DOCK8: variants seen among roughly 807,000 people sequenced by gnomAD.
The protein encoded by DOCK8 is dedicator of cytokinesis protein 8.
In DOCK8, 141 loss-of-function variants were observed where a neutral mutation model predicts 245.6. The ratio of observed to expected loss-of-function variants is 0.57; its 90% confidence interval spans 0.50 to 0.66. The LOEUF (loss-of-function observed/expected upper bound fraction) is 0.66, where lower values mean the gene tolerates loss of function less well. DOCK8 is among the 30% of genes least tolerant of loss of function. The probability of loss-of-function intolerance (pLI) is 0.00; values close to 1 mark genes in which losing one functional copy is unlikely to be tolerated. For synonymous variants in DOCK8, 1,168 were observed against 970.2 expected (o/e 1.20, Z -3.79); for missense variants, 2,965 against 2,603.4 (o/e 1.14, Z -3.02).
At chr9:350,887 C>G (rs1419052927) in intron 14 of DOCK8, among the ~76,000 whole-genome samples, 2 of 152,150 alleles carry the variant, frequency 1.3e-5, no homozygotes, top group Non-Finnish European at 2.9e-5. Context: ...CTGTGGACCC[C>G]CGTCCTGTTT....
intron 37 of DOCK8, among the ~76,000 whole-genome samples, chr9:432,841 T>A (rs1460043593): frequency 6.6e-6 from 1 of 152,102 alleles, no homozygotes; most frequent in Non-Finnish European, 1.5e-5. Context: ...GGGCCGAGTT[T>A]GAGAGAGCTT....
chr9:408,300 G>C (rs1231769922), intron 28 of DOCK8, among the ~76,000 whole-genome samples: 1 of 152,160 alleles, frequency 6.6e-6, no homozygotes, highest in Non-Finnish European at 1.5e-5. Context: ...ATGTACCCAG[G>C]CTGACACCGC....
chr9:449,050 T>C (rs2057350601), intron 44 of DOCK8, among the ~76,000 whole-genome samples: 1 of 152,176 alleles, frequency 6.6e-6, no homozygotes, highest in Admixed American at 6.5e-5. Context: ...CTTTCTGCAT[T>C]GTAAGTTGAG....
chr9:308,385 T>A (rs2049941977), intron 5 of DOCK8, among the ~76,000 whole-genome samples: 1 of 152,232 alleles, frequency 6.6e-6, no homozygotes, highest in African/African-American at 2.4e-5. Flanking sequence ...AGTTGTTTGT[T>A]TTGAAATATT....
intron 14 of DOCK8, among the ~76,000 whole-genome samples, chr9:363,948 C>T (rs545080962): frequency 1.3e-5 from 2 of 152,292 alleles, no homozygotes; most frequent in Non-Finnish European, 2.9e-5. Flanking sequence ...TCCCTTTCAT[C>T]CAGCTACTTC....
In DOCK8 at chr9:379,820, T is replaced by C; in HGVS notation, c.2490T>C (p.Ser830=). ...AGTCCGTGGTGGCCATCGCCAACAG[T>C]CTGCACAACAGCAAGGACCTGAGCA... is the stretch of plus-strand genomic sequence containing the variant. ...AFESVVAIAN[S]LHNSKDLSKD... Residue 830 remains serine, a synonymous_variant, in exon 21 of 48, where the codon AGT becomes AGC. Transcript: ENST00000432829. 1.2e-6 allele frequency: 2 copies of C among 1,614,204 alleles called. No individual in the cohort carries two copies. Among genetic ancestry groups the C allele is most frequent in the Non-Finnish European group, 1.7e-6 (2 of 1,180,034 alleles).
chr9:410,331 A>G (rs1028028674), intron 28 of DOCK8, among the ~76,000 whole-genome samples: 3 of 152,146 alleles, frequency 2.0e-5, no homozygotes, highest in Non-Finnish European at 4.4e-5. Flanking sequence ...GTTGAATTTC[A>G]TAGTCTTTTG....
intron 1 of DOCK8, among the ~76,000 whole-genome samples, chr9:270,609 A>G (rs1007375342): frequency 6.6e-6 from 1 of 152,232 alleles, no homozygotes; most frequent in Non-Finnish European, 1.5e-5. Context: ...GCCCTAGCAC[A>G]CGTTTTCACA....
chr9:430,801 T>C (rs1431773508), intron 36 of DOCK8, among the ~76,000 whole-genome samples: 1 of 152,190 alleles, frequency 6.6e-6, no homozygotes, highest in African/African-American at 2.4e-5. Flanking sequence ...GACTAGCTAG[T>C]GCCAGAATGA....
chr9:355,241 G>A (rs1211297602), intron 14 of DOCK8, among the ~76,000 whole-genome samples: 3 of 128,268 alleles, frequency 2.3e-5, no homozygotes, highest in Non-Finnish European at 4.7e-5. Flanking sequence ...GTCTCGCTCT[G>A]TCACCAGGCT....
intron 1 of DOCK8, among the ~76,000 whole-genome samples, chr9:253,406 C>A (rs2047696454): frequency 6.6e-6 from 1 of 152,160 alleles, no homozygotes; most frequent in Admixed American, 6.5e-5. Flanking sequence ...CTCAAAGCAA[C>A]TTTCTTTAGG....
chr9:258,744 T>C (rs2047842130), intron 1 of DOCK8, among the ~76,000 whole-genome samples: 1 of 151,770 alleles, frequency 6.6e-6, no homozygotes, highest in Non-Finnish European at 1.5e-5. Flanking sequence ...ATTACAGACA[T>C]GTGCCACCAT....
intron 14 of DOCK8, among the ~76,000 whole-genome samples, chr9:341,160 A>G (rs766310001): frequency 2.0e-5 from 3 of 152,226 alleles, no homozygotes; most frequent in Non-Finnish European, 4.4e-5. Context: ...GGCCAGTGCA[A>G]TGGAGGAACT....
At chr9:264,287 G>A (rs1255684559) in intron 1 of DOCK8, among the ~76,000 whole-genome samples, 1 of 152,154 alleles carries the variant, frequency 6.6e-6, no homozygotes, top group African/African-American at 2.4e-5. Context: ...TCTTGCTGCT[G>A]GAACCCTCAA....
chr9:297,576 C>T (rs745318907), intron 4 of DOCK8, among the ~76,000 whole-genome samples: 7 of 152,150 alleles, frequency 4.6e-5, no homozygotes, highest in Non-Finnish European at 7.4e-5. Context: ...TTATTTGACT[C>T]CATTGCCAGG....
At chr9:348,963 G>A (rs1414663424) in intron 14 of DOCK8, among the ~76,000 whole-genome samples, 1 of 152,176 alleles carries the variant, frequency 6.6e-6, no homozygotes, top group African/African-American at 2.4e-5. Context: ...TATTTTAACA[G>A]CTCTCCTTAA....
At chr9:247,603 G>A (rs774039520) in intron 1 of DOCK8, among the ~76,000 whole-genome samples, 4 of 152,010 alleles carry the variant, frequency 2.6e-5, no homozygotes, top group Admixed American at 6.6e-5. Flanking sequence ...ACGTGATCTC[G>A]GCTCACTGCA....
chr9:357,881 T>A (rs2052520146), intron 14 of DOCK8, among the ~76,000 whole-genome samples: 1 of 152,242 alleles, frequency 6.6e-6, no homozygotes. Flanking sequence ...CTCTTCAACC[T>A]ACACATCAGG....
chr9:413,748 T>C (rs184858196), intron 28 of DOCK8, among the ~76,000 whole-genome samples: 1 of 152,184 alleles, frequency 6.6e-6, no homozygotes, highest in Non-Finnish European at 1.5e-5. Context: ...AGACAGGTAA[T>C]AAAGTGTTGG....
Sources: gnomAD v4.1 joint callset for allele counts (sites outside exome capture counted in the v4.1 genomes callset) on GRCh38, gnomAD v4.1.1 for gene constraint, MANE v1.5 for transcripts, NCBI Gene and HGNC (gene_info 2026-07-23, HGNC 2026-07-21) for gene names.